GRK1: variants seen among roughly 807,000 people sequenced by gnomAD.
The protein encoded by GRK1 is rhodopsin kinase GRK1.
In GRK1, 28 loss-of-function variants were observed where a neutral mutation model predicts 41.7. The observed-to-expected ratio is 0.67, with a 90% CI of 0.50 to 0.92. The LOEUF (loss-of-function observed/expected upper bound fraction) is 0.92. GRK1 is among the 40% of genes least tolerant of loss of function. The pLI, the probability that GRK1 is intolerant of heterozygous loss-of-function variation, is 0.00. For synonymous variants in GRK1, 327 were observed against 286.7 expected, an observed-to-expected ratio of 1.14 and a Z score of -1.42; for missense variants, 703 against 671.2, an observed-to-expected ratio of 1.05 and a Z score of -0.52.
the GRK1 span, among the ~76,000 whole-genome samples, chr13:113,653,865 C>T: frequency 8.5e-5 from 13 of 152,346 alleles, no homozygotes; most frequent in African/African-American, 2.6e-4. Flanking sequence ...ATGCACACAG[C>T]GGGGAGTGAA....
chr13:113,669,792 A>G lies in GRK1; in HGVS notation c.805A>G (p.Ile269Val). 6.2e-7 allele frequency: 1 copy of G among 1,613,962 alleles called. No homozygotes were observed. The highest frequency in any genetic ancestry group is 8.5e-7 in the Non-Finnish European group (1 of 1,179,852). ...TKADLCLVMT[I>V]MNGGDIRYHI... ...AGCCGACCTCTGTCTGGTGATGACC[A>G]TCATGAACGGAGGTGACATCAGGTA... The change falls in exon 2 of 7, where the codon ATC becomes GTC. Residue 269 changes from isoleucine to valine, a missense_variant. Transcript: ENST00000335678.
chr13:113,653,952 A>G, the GRK1 span, among the ~76,000 whole-genome samples: 3 of 152,250 alleles, frequency 2.0e-5, no homozygotes. Flanking sequence ...CTGTGGAAAC[A>G]CAGATGCAGA....
chr13:113,728,232 C>CGAGGAGTACCCATGGCGAT (rs1566696945), intron 4 of GRK1, among the ~76,000 whole-genome samples: 1 of 39,508 alleles, frequency 2.5e-5, no homozygotes, highest in African/African-American at 1.0e-4. Flanking sequence ...GTACCCATGG[C>CGAGGAGTACCCATGGCGAT]GAGGAGTACC....
At chr13:113,649,799 A>G in the GRK1 span, among the ~76,000 whole-genome samples, 2 of 152,220 alleles carry the variant, frequency 1.3e-5, no homozygotes, top group South Asian at 4.1e-4. The surrounding 1 kb of genome is among the most constrained non-coding windows in gnomAD (Gnocchi z 4.7). Context: ...TAAAAATGAA[A>G]CAGGAAAAGC....
chr13:113,728,895 G>A (rs551668258), intron 4 of GRK1, among the ~76,000 whole-genome samples: 114 of 152,286 alleles, frequency 7.5e-4, no homozygotes, highest in Non-Finnish European at 1.4e-3. Flanking sequence ...GACAAGGCCC[G>A]GCAGGTGGGC....
chr13:113,653,376 G>A, the GRK1 span: 15 of 1,614,240 alleles, frequency 9.3e-6, no homozygotes, highest in Non-Finnish European at 1.1e-5. Context: ...TGTTATCAGA[G>A]ACGTTGTAGA....
intron 1 of GRK1, 67 bp from the exon 2 acceptor site, chr13:113,669,620 G>A (rs2049842632): frequency 1.9e-6 from 3 of 1,596,356 alleles, no homozygotes; most frequent in Non-Finnish European, 2.6e-6. Flanking sequence ...GGTGCACACG[G>A]TCTCTGCGAT....
the GRK1 span, among the ~76,000 whole-genome samples, chr13:113,659,798 G>A: frequency 6.6e-6 from 1 of 152,102 alleles, no homozygotes; most frequent in South Asian, 2.1e-4. Context: ...GAATGTTAGG[G>A]CGATAAGAAC....
Position 113,731,356 on chromosome 13 carries a change from C to G in GRK1, c.1194+13C>G. 1 of 1,536,404 alleles carries G rather than the reference C, an allele frequency of 6.5e-7. No individual in the cohort carries two copies. Among genetic ancestry groups the G allele is most frequent in the Non-Finnish European group, 8.7e-7 (1 of 1,146,652 alleles). ...CCGTGGAGAGAAGGTAGGAGGCGGC[C>G]GGCAGGTGTCTCTGCAGCCACCTTG... On this transcript the variant is annotated intron_variant, in intron 5 of 6. Coordinates refer to ENST00000335678, the MANE Select transcript of GRK1 (RefSeq NM_002929.3). The surrounding 1 kb of genome is among the most constrained non-coding windows in gnomAD (Gnocchi z 5.6).
the GRK1 span, among the ~76,000 whole-genome samples, chr13:113,660,232 C>T: frequency 6.6e-6 from 1 of 152,282 alleles, no homozygotes; most frequent in Non-Finnish European, 1.5e-5. Context: ...CTCTCTCCCC[C>T]CATCTGAGTG....
At chr13:113,653,341 G>A in the GRK1 span, 2 of 1,613,826 alleles carry the variant, frequency 1.2e-6, no homozygotes, top group Non-Finnish European at 1.7e-6. Flanking sequence ...GGCGTGGAGA[G>A]TCTGTGTGAG....
intron 4 of GRK1, among the ~76,000 whole-genome samples, chr13:113,728,486 C>T (rs1247151052): frequency 5.3e-5 from 8 of 151,240 alleles, no homozygotes; most frequent in African/African-American, 9.7e-5. Flanking sequence ...GTACCCATGG[C>T]GATGAGGAGT....
At chr13:113,725,151 CCTT>C (rs1412142736) in intron 4 of GRK1, among the ~76,000 whole-genome samples, 1 of 148,808 alleles carries the variant, frequency 6.7e-6, no homozygotes, top group East Asian at 1.9e-4. Context: ...GGGTCCGCAT[CCTT>C]CTTCCTGGCA....
At chr13:113,648,551 G>A in the GRK1 span, among the ~76,000 whole-genome samples, 1 of 152,212 alleles carries the variant, frequency 6.6e-6, no homozygotes, top group African/African-American at 2.4e-5. Context: ...TTGCTTGTTT[G>A]GGAGAATGTT....
chr13:113,666,704 G>T (rs2049821357), upstream of GRK1, among the ~76,000 whole-genome samples: 1 of 152,120 alleles, frequency 6.6e-6, no homozygotes, highest in Non-Finnish European at 1.5e-5. Context: ...GAAGACAAAT[G>T]ACTGGGAACT....
chr13:113,653,672 TG>T, the GRK1 span, among the ~76,000 whole-genome samples: 1,506 of 151,836 alleles, frequency 9.9e-3, 31 homozygotes, highest in African/African-American at 0.034. Flanking sequence ...TGGTGGGGGG[TG>T]GGGGGTGGCT....
At chr13:113,672,075 C>T (rs1347419213) in intron 3 of GRK1, among the ~76,000 whole-genome samples, 3 of 149,222 alleles carry the variant, frequency 2.0e-5, no homozygotes, top group Middle Eastern at 3.6e-3. Context: ...GCAACACTCA[C>T]GCTCAGCTGT....
the GRK1 span, among the ~76,000 whole-genome samples, chr13:113,654,392 T>G: frequency 6.6e-6 from 1 of 152,208 alleles, no homozygotes; most frequent in South Asian, 2.1e-4. Flanking sequence ...GGCTCTTTTC[T>G]GCTGGTCTCC....
intron 2 of GRK1, 64 bp downstream of exon 2, chr13:113,669,878 C>T (rs1274348721): frequency 1.3e-6 from 2 of 1,591,482 alleles, no homozygotes; most frequent in Non-Finnish European, 1.7e-6. Flanking sequence ...GTTTCCAGGG[C>T]CCGGGCTCCT....
Sources: gnomAD v4.1 joint callset for allele counts (sites outside exome capture counted in the v4.1 genomes callset) on GRCh38, gnomAD v4.1.1 for gene constraint, Gnocchi (gnomAD v3.1) non-coding constraint, MANE v1.5 for transcripts, NCBI Gene and HGNC (gene_info 2026-07-23, HGNC 2026-07-21) for gene names.